PSMB2: variants seen among roughly 807,000 people sequenced by gnomAD.
PSMB2 encodes proteasome 20S subunit beta 2, also known as proteasome subunit beta type-2.
PSMB2 carries 13 observed loss-of-function variants against 25.7 expected under a neutral mutation model. The ratio of observed to expected loss-of-function variants is 0.51; its 90% CI spans 0.33 to 0.80. The LOEUF (loss-of-function observed/expected upper bound fraction) is 0.80, where lower values mean the gene tolerates loss of function less well. Ranked by LOEUF, PSMB2 falls within the 30% of genes least tolerant of loss-of-function variation. PSMB2 has a pLI of 0.02. For synonymous variants in PSMB2, 87 were observed against 96.2 expected, an observed-to-expected ratio of 0.90 and a Z score of 0.56; for missense variants, 202 against 259.0, an observed-to-expected ratio of 0.78 and a Z score of 1.51.
intron 3 of PSMB2, among the ~76,000 whole-genome samples, chr1:35,615,935 G>A (rs942802395): frequency 5.3e-5 from 8 of 152,214 alleles, no homozygotes; most frequent in Non-Finnish European, 2.9e-5. Context: ...ATACTAAACA[G>A]AGACTGGACT....
intron 4 of PSMB2, among the ~76,000 whole-genome samples, chr1:35,608,201 C>T (rs1025428625): frequency 3.9e-5 from 6 of 151,916 alleles, no homozygotes; most frequent in Admixed American, 2.6e-4. Flanking sequence ...CCCATCTCTA[C>T]AAAAAATACA....
chr1:35,634,745 T>C (rs1390166994), intron 2 of PSMB2, among the ~76,000 whole-genome samples: 2 of 151,576 alleles, frequency 1.3e-5, no homozygotes, highest in African/African-American at 2.4e-5. Flanking sequence ...AGTCTGATAC[T>C]ACCATCCCTA....
In PSMB2 at chr1:35,641,491, G is replaced by A; in HGVS notation, c.-59C>T. ...CAGCACGAGACTCGCCCGCTTCCAG[G>A]TCTCACCGGTGAGACAGCACCTCAG... On this transcript the variant is annotated 5_prime_UTR_variant, in exon 1 of 6. Coordinates refer to ENST00000373237, the MANE Select transcript of PSMB2 (RefSeq NM_002794.5). The A allele has an allele frequency of 6.2e-7, 1 of 1,610,062 alleles. No homozygotes were observed. Among genetic ancestry groups the A allele is most frequent in the South Asian group, 1.1e-5 (1 of 90,680 alleles).
chr1:35,614,428 T>C (rs1391321243), intron 3 of PSMB2, among the ~76,000 whole-genome samples: 3 of 152,220 alleles, frequency 2.0e-5, no homozygotes, highest in East Asian at 1.9e-4. Context: ...CAAGAATCTT[T>C]TAAAATGAAA....
At chr1:35,628,815 T>A (rs1650997358) in intron 3 of PSMB2, among the ~76,000 whole-genome samples, 1 of 151,132 alleles carries the variant, frequency 6.6e-6, no homozygotes, top group South Asian at 2.1e-4. Context: ...ATTGAGAAAT[T>A]ATCAGTCAAA....
intron 3 of PSMB2, among the ~76,000 whole-genome samples, chr1:35,624,827 C>T (rs980165389): frequency 2.6e-5 from 4 of 151,894 alleles, no homozygotes; most frequent in African/African-American, 9.7e-5. Context: ...CTTTGGGAGG[C>T]CGAGGCGGGT....
In PSMB2 at chr1:35,601,921, A is replaced by T. The variant is rs142834527; in HGVS notation, c.*1346T>A. 3.0e-6 allele frequency: 3 copies of T among 984,844 alleles called. No homozygotes were observed. The African/African-American group carries it at 5.2e-5, about 17-fold the overall frequency. The allele number at this position is 984,844 out of a possible 1,614,324, so 61.0% of individuals were successfully genotyped here. ...ACGAGTAACTGGTTAACTGCCCATGATACATCAATTTAATGGAAAATTATG... is the reference window on the plus strand; with the variant it reads ...ACGAGTAACTGGTTAACTGCCCATGTTACATCAATTTAATGGAAAATTATG... On this transcript the variant is annotated 3_prime_UTR_variant, in exon 6 of 6. Transcript: ENST00000373237.
In PSMB2 at chr1:35,641,525, T is replaced by C. The variant is rs142938354; in HGVS notation, c.-93A>G. ...GTGAGACAGCACCTCAGAGCGAAGA[T>C]TGGCGCGACGCCTGCAGCACGACTT... On this transcript the variant is annotated 5_prime_UTR_variant, in exon 1 of 6. Transcript: ENST00000373237. 5.1e-4 allele frequency: 795 copies of C among 1,571,810 alleles called. 3 individuals are homozygous for C. The African/African-American group carries it at 9.8e-3, about 19-fold the overall frequency.
chr1:35,600,239 G>A lies in PSMB2; in HGVS notation c.*3028C>T. ...CATGTAGAGACAGGAGATAAAGAAT[G>A]GCATAAAAATGATGCCCAGCTAAAT... is the stretch of plus-strand genomic sequence containing the variant. On this transcript the variant is annotated 3_prime_UTR_variant, in exon 6 of 6. Transcript: ENST00000373237. 9 of 985,334 alleles carry A rather than the reference G, an allele frequency of 9.1e-6. No homozygotes were observed. Among genetic ancestry groups the A allele is most frequent in the Non-Finnish European group, 1.1e-5 (9 of 829,878 alleles). The allele number at this position is 985,334 out of a possible 1,614,324, so 61.0% of individuals were successfully genotyped here. A position where few individuals can be genotyped will look rare whatever the true frequency, so the allele number is the denominator to read the frequency against.
chr1:35,616,992 T>G (rs1458580256), intron 3 of PSMB2, among the ~76,000 whole-genome samples: 1 of 152,196 alleles, frequency 6.6e-6, no homozygotes, highest in African/African-American at 2.4e-5. Context: ...TAAAAGACTA[T>G]GGTTCTATGG....
chr1:35,622,172 C>A (rs1374471435), intron 3 of PSMB2, among the ~76,000 whole-genome samples: 2 of 151,980 alleles, frequency 1.3e-5, no homozygotes, highest in Non-Finnish European at 2.9e-5. Flanking sequence ...TAAAGAAAAC[C>A]TCATGAGGTT....
intron 5 of PSMB2, among the ~76,000 whole-genome samples, chr1:35,604,408 G>A (rs1177633609): frequency 6.6e-6 from 1 of 152,142 alleles, no homozygotes; most frequent in Non-Finnish European, 1.5e-5. Flanking sequence ...TTTTCTCACA[G>A]ATTACAAAGA....
intron 2 of PSMB2, 133 bp downstream of exon 2, chr1:35,636,177 C>T: frequency 8.6e-7 from 1 of 1,166,870 alleles, no homozygotes; most frequent in Non-Finnish European, 1.2e-6. Context: ...CTGCCAACAC[C>T]TTAATCTTTG....
In PSMB2 at chr1:35,603,203, T is replaced by C; in HGVS notation, c.*64A>G. On this transcript the variant is annotated 3_prime_UTR_variant, in exon 6 of 6. Transcript: ENST00000373237. ...TTATCAAGAGTGCGCCTGAAAAGAGTAGAAAAAAATAAAGGAGCCCATCAA... is the reference window on the plus strand; with the variant it reads ...TTATCAAGAGTGCGCCTGAAAAGAGCAGAAAAAAATAAAGGAGCCCATCAA... The C allele has an allele frequency of 1.3e-6, 2 of 1,573,914 alleles. No homozygotes were observed. Among genetic ancestry groups the C allele is most frequent in the Non-Finnish European group, 8.6e-7 (1 of 1,165,874 alleles).
chr1:35,603,452 G>T, intron 5 of PSMB2, 78 bp from the exon 6 acceptor site: 2 of 1,508,118 alleles, frequency 1.3e-6, no homozygotes, highest in Non-Finnish European at 1.8e-6. Flanking sequence ...TAGACACTGG[G>T]GATACAAGCA....
At chr1:35,617,552 A>C (rs1250194823) in intron 3 of PSMB2, among the ~76,000 whole-genome samples, 1 of 152,248 alleles carries the variant, frequency 6.6e-6, no homozygotes, top group African/African-American at 2.4e-5. Flanking sequence ...TTGGAATGTG[A>C]ATAAGTTCAA....
Position 35,601,488 on chromosome 1 carries a change from A to G in PSMB2, c.*1779T>C. 1.0e-6 allele frequency: 1 copy of G among 985,386 alleles called. No homozygotes were observed. Among genetic ancestry groups the G allele is most frequent in the Non-Finnish European group, 1.2e-6 (1 of 829,922 alleles). The allele number at this position is 985,386 out of a possible 1,614,324, so 61.0% of individuals were successfully genotyped here. A position where few individuals can be genotyped will look rare whatever the true frequency, so the allele number is the denominator to read the frequency against. On this transcript the variant is annotated 3_prime_UTR_variant, in exon 6 of 6. Transcript: ENST00000373237. The stretch of plus-strand genomic sequence containing the variant: ...TGAATCAACTGTAGTGACGTGAATC[A>G]TCTCTTTTCTCCCATTTACTCAATG...
intron 3 of PSMB2, among the ~76,000 whole-genome samples, chr1:35,627,820 C>A (rs1425816888): frequency 6.6e-6 from 1 of 152,158 alleles, no homozygotes; most frequent in Non-Finnish European, 1.5e-5. Flanking sequence ...ATGCTCTTAA[C>A]CACAATGCTA....
intron 3 of PSMB2, among the ~76,000 whole-genome samples, chr1:35,620,552 G>A (rs1157500211): frequency 2.0e-5 from 3 of 151,796 alleles, no homozygotes; most frequent in African/African-American, 7.3e-5. Context: ...ACCCAGGCTG[G>A]AGTGCAGTGG....
Sources: allele counts gnomAD v4.1 joint callset (sites outside exome capture counted in the v4.1 genomes callset), GRCh38; gene constraint gnomAD v4.1.1; transcripts MANE v1.5; gene names NCBI Gene and HGNC (gene_info 2026-07-23, HGNC 2026-07-21).